The following NCAM2 variants were observed in gnomAD, a reference collection of about 807,000 sequenced individuals.
The protein encoded by NCAM2 is neural cell adhesion molecule 2, also known as N-CAM-2.
In NCAM2, 30 loss-of-function variants were observed where a neutral mutation model predicts 98.1. The observed-to-expected ratio is 0.31, with a 90% CI of 0.23 to 0.41. NCAM2 has a LOEUF of 0.41. Ranked by LOEUF, NCAM2 falls within the 10% of genes least tolerant of loss-of-function variation. The probability of loss-of-function intolerance (pLI) is 1.00; values close to 1 mark genes in which losing one functional copy is unlikely to be tolerated. For missense variants in NCAM2, 867 were observed against 1,005.8 expected, an observed-to-expected ratio of 0.86 and a Z score of 1.87; for synonymous variants, 368 against 342.4, an observed-to-expected ratio of 1.07 and a Z score of -0.83.
intron 14 of NCAM2, among the ~76,000 whole-genome samples, chr21:21,469,322 T>A (rs1172343374): frequency 6.6e-6 from 1 of 151,950 alleles, no homozygotes; most frequent in African/African-American, 2.4e-5. Flanking sequence ...AGATTTTTGA[T>A]AGAGGTTAGA....
chr21:21,123,472 G>A (rs866505196), intron 1 of NCAM2, among the ~76,000 whole-genome samples: 2 of 151,610 alleles, frequency 1.3e-5, no homozygotes, highest in African/African-American at 4.8e-5. Context: ...TACAATTGTC[G>A]TCTGTTAATA....
chr21:21,417,379 T>C (rs1171969259), intron 10 of NCAM2, among the ~76,000 whole-genome samples: 2 of 152,080 alleles, frequency 1.3e-5, no homozygotes, highest in Non-Finnish European at 2.9e-5. Context: ...ATGATCTGTT[T>C]CTAGATGGAC....
intron 1 of NCAM2, among the ~76,000 whole-genome samples, chr21:21,080,656 C>CAAAAA (rs1340023403): frequency 1.1e-4 from 6 of 53,218 alleles, no homozygotes; most frequent in East Asian, 7.2e-4. Flanking sequence ...GATAAGATCT[C>CAAAAA]AAAAAAAAAA....
intron 12 of NCAM2, among the ~76,000 whole-genome samples, chr21:21,451,063 A>G (rs1402496916): frequency 6.6e-6 from 1 of 152,088 alleles, no homozygotes; most frequent in Non-Finnish European, 1.5e-5. Context: ...CCCTATAGGA[A>G]CTATTGCTCA....
At chr21:21,043,863 A>AG (rs1253826563) in intron 1 of NCAM2, among the ~76,000 whole-genome samples, 3 of 151,292 alleles carry the variant, frequency 2.0e-5, no homozygotes, top group African/African-American at 7.3e-5. Context: ...AAAAAAAAAA[A>AG]AAAAGAAAAA....
chr21:21,265,491 TATATA>T (rs2072226718), intron 1 of NCAM2, among the ~76,000 whole-genome samples: 2 of 140,984 alleles, frequency 1.4e-5, no homozygotes, highest in African/African-American at 2.6e-5. Flanking sequence ...TATATACACA[TATATA>T]ATATATGTGT....
intron 1 of NCAM2, among the ~76,000 whole-genome samples, chr21:21,108,605 A>C (rs1238102275): frequency 6.6e-6 from 1 of 152,114 alleles, no homozygotes; most frequent in African/African-American, 2.4e-5. Context: ...AAAATCCTAC[A>C]TTAGATGGAT....
intron 7 of NCAM2, among the ~76,000 whole-genome samples, 191 bp from the exon 8 acceptor site, chr21:21,338,198 T>G (rs2147873461): frequency 6.6e-6 from 1 of 152,240 alleles, no homozygotes; most frequent in African/African-American, 2.4e-5. Flanking sequence ...ATGAGTTTTA[T>G]TTCCTAAATT....
At chr21:21,052,393 G>C (rs190695163) in intron 1 of NCAM2, among the ~76,000 whole-genome samples, 1 of 152,012 alleles carries the variant, frequency 6.6e-6, no homozygotes, top group African/African-American at 2.4e-5. Context: ...TAGAACTCCT[G>C]ATCTCAGGTG....
intron 9 of NCAM2, among the ~76,000 whole-genome samples, chr21:21,388,701 G>C (rs2145816267): frequency 6.6e-6 from 1 of 152,224 alleles, no homozygotes; most frequent in East Asian, 1.9e-4. Context: ...TTAGTTATTG[G>C]AAAACTTTTA....
Position 21,493,266 on chromosome 21 carries a change from T to A in NCAM2, c.2078-15585T>A, listed in dbSNP as rs1044697177. Among the ~76,000 whole-genome samples the A allele has an allele frequency of 1.1e-4, 17 of 151,988 alleles. 2 individuals are homozygous for A. Among genetic ancestry groups the A allele is most frequent in the Admixed American group, 1.1e-3 (17 of 15,220 alleles). On this transcript the variant is annotated intron_variant, in intron 15 of 17. Transcript: ENST00000400546. ...CCTCACTTAATATGTGGAGTTTTTTTATTTGTTAAAGGACAGAAAAGTAAA... is the reference window on the plus strand; with the variant it reads ...CCTCACTTAATATGTGGAGTTTTTTAATTTGTTAAAGGACAGAAAAGTAAA...
intron 1 of NCAM2, among the ~76,000 whole-genome samples, chr21:21,102,039 T>A (rs1421334901): frequency 6.6e-6 from 1 of 151,984 alleles, no homozygotes; most frequent in East Asian, 1.9e-4. Flanking sequence ...TGTGCAACAT[T>A]GATGTTGTGG....
chr21:21,080,790 C>T (rs551730009), intron 1 of NCAM2, among the ~76,000 whole-genome samples: 2 of 151,372 alleles, frequency 1.3e-5, no homozygotes, highest in Non-Finnish European at 1.5e-5. Flanking sequence ...TAAAGTGTTA[C>T]TAGAGGCAGA....
At chr21:21,139,445 A>T (rs2826692) in intron 1 of NCAM2, among the ~76,000 whole-genome samples, 38,029 of 152,212 alleles carry the variant, frequency 0.25, 5,484 homozygotes, top group East Asian at 0.45. Context: ...AGTTCTTGGC[A>T]TCTGTTTCTG....
intron 5 of NCAM2, among the ~76,000 whole-genome samples, chr21:21,302,315 G>A (rs917104246): frequency 2.0e-5 from 3 of 152,050 alleles, no homozygotes; most frequent in Non-Finnish European, 4.4e-5. Context: ...TAAGGGTCCA[G>A]TTTCAATCTT....
chr21:21,212,067 A>G (rs2069678779), intron 1 of NCAM2, among the ~76,000 whole-genome samples: 1 of 152,260 alleles, frequency 6.6e-6, no homozygotes, highest in African/African-American at 2.4e-5. Flanking sequence ...CATGTATTCT[A>G]GAGAAATGAT....
At chr21:21,339,390 A>G (rs2074963046) in intron 8 of NCAM2, among the ~76,000 whole-genome samples, 1 of 152,076 alleles carries the variant, frequency 6.6e-6, no homozygotes. Flanking sequence ...ATGTTTCACT[A>G]TACTAATGGA....
At chr21:21,321,107 CTG>C (rs2074363640) in intron 5 of NCAM2, among the ~76,000 whole-genome samples, 1 of 152,176 alleles carries the variant, frequency 6.6e-6, no homozygotes, top group African/African-American at 2.4e-5. Context: ...AAGATCACTT[CTG>C]TGACTTTCTA....
intron 9 of NCAM2, among the ~76,000 whole-genome samples, chr21:21,408,369 TGTTAA>T (rs990326381): frequency 5.3e-5 from 8 of 152,222 alleles, no homozygotes; most frequent in African/African-American, 1.4e-4. Flanking sequence ...ATTTATGGGA[TGTTAA>T]GTTGTTTTCA....
Sources: allele counts gnomAD v4.1 joint callset (sites outside exome capture counted in the v4.1 genomes callset), GRCh38; gene constraint gnomAD v4.1.1; transcripts MANE v1.5; gene names NCBI Gene and HGNC (gene_info 2026-07-23, HGNC 2026-07-21).